The following ARHGEF38 variants were observed in gnomAD, a reference collection of about 807,000 sequenced individuals.
The protein encoded by ARHGEF38 is Rho guanine nucleotide exchange factor 38, also known as Rho guanine nucleotide exchange factor (GEF) 38.
Under a neutral mutation model 79.9 loss-of-function variants are expected in ARHGEF38, and 79 were observed. The ratio of observed to expected loss-of-function variants is 0.99; its 90% CI spans 0.82 to 1.19. ARHGEF38 has a LOEUF of 1.19. ARHGEF38 is among the 50% of genes most tolerant of loss of function. The pLI is 0.00. For synonymous variants in ARHGEF38, 366 were observed against 328.3 expected (o/e 1.11, Z -1.24); for missense variants, 962 against 907.2 (o/e 1.06, Z -0.78).
intron 7 of ARHGEF38, among the ~76,000 whole-genome samples, 166 bp downstream of exon 7, chr4:105,648,848 T>TC (rs1729970218): frequency 5.5e-5 from 6 of 108,618 alleles, no homozygotes; most frequent in Admixed American, 1.7e-4. Context: ...CTCTCTCTCT[T>TC]TCTCTCTCTC....
At chr4:105,642,155 G>C (rs1001758447) in intron 5 of ARHGEF38, among the ~76,000 whole-genome samples, 1 of 152,020 alleles carries the variant, frequency 6.6e-6, no homozygotes, top group Non-Finnish European at 1.5e-5. Flanking sequence ...AGATTAGATG[G>C]GGTGAATTTT....
intron 9 of ARHGEF38, among the ~76,000 whole-genome samples, chr4:105,656,693 C>T (rs907578568): frequency 6.6e-6 from 1 of 152,104 alleles, no homozygotes; most frequent in Non-Finnish European, 1.5e-5. Context: ...GCATTATAGG[C>T]ATTTTGGGTA....
At chr4:105,654,823 C>A (rs1386846147) in intron 8 of ARHGEF38, among the ~76,000 whole-genome samples, 1 of 152,078 alleles carries the variant, frequency 6.6e-6, no homozygotes, top group African/African-American at 2.4e-5. Context: ...ATGGCTATGA[C>A]CATGACACAT....
intron 5 of ARHGEF38, among the ~76,000 whole-genome samples, chr4:105,639,210 T>G (rs1055499054): frequency 6.6e-5 from 10 of 152,108 alleles, no homozygotes; most frequent in Admixed American, 2.6e-4. Context: ...TTTTAAATGA[T>G]TATTCACTTT....
At chr4:105,557,706 A>T (rs2023839) in intron 1 of ARHGEF38, among the ~76,000 whole-genome samples, 9,336 of 152,074 alleles carry the variant, frequency 0.061, 408 homozygotes, top group East Asian at 0.18. Flanking sequence ...TCTCAGCAGG[A>T]ATAAGATCTT....
At chr4:105,593,802 A>G (rs1280466592) in intron 2 of ARHGEF38, among the ~76,000 whole-genome samples, 1 of 152,058 alleles carries the variant, frequency 6.6e-6, no homozygotes, top group Non-Finnish European at 1.5e-5. Context: ...TTGGCTTCCT[A>G]TGAAACTCTT....
chr4:105,648,415 C>A, intron 6 of ARHGEF38, 134 bp from the exon 7 acceptor site: 1 of 729,368 alleles, frequency 1.4e-6, no homozygotes, highest in Non-Finnish European at 2.0e-6. Context: ...GAGCATATGG[C>A]CTCTGCAGCA....
intron 5 of ARHGEF38, among the ~76,000 whole-genome samples, chr4:105,637,529 G>C (rs1729447111): frequency 6.6e-6 from 1 of 152,128 alleles, no homozygotes; most frequent in Admixed American, 6.5e-5. Flanking sequence ...AGGTGCATCG[G>C]CCTCCTGGCT....
chr4:105,643,764 G>A (rs1729716092), intron 5 of ARHGEF38, among the ~76,000 whole-genome samples: 1 of 151,690 alleles, frequency 6.6e-6, no homozygotes. Flanking sequence ...GTGAATGTAT[G>A]TGCATGTGTA....
intron 13 of ARHGEF38, among the ~76,000 whole-genome samples, chr4:105,670,516 T>C (rs1277062081): frequency 2.6e-5 from 4 of 152,106 alleles, no homozygotes; most frequent in African/African-American, 4.8e-5. Context: ...ATTGTAAGAG[T>C]TCTTTATAAA....
chr4:105,618,774 C>G (rs1240903371), intron 3 of ARHGEF38, among the ~76,000 whole-genome samples: 2 of 152,052 alleles, frequency 1.3e-5, no homozygotes, highest in African/African-American at 4.8e-5. Flanking sequence ...AACTTTCTCC[C>G]CAAGTAATTA....
chr4:105,668,687 TA>T (rs1324057331), intron 13 of ARHGEF38, among the ~76,000 whole-genome samples: 10 of 151,192 alleles, frequency 6.6e-5, no homozygotes, highest in South Asian at 2.1e-4. Context: ...GATAGATAGA[TA>T]GATAGATAGA....
At position 105,589,230 on chromosome 4, in the gene ARHGEF38, T is replaced by G; in HGVS notation, c.197-18T>G. ...ACCTCAGCAGAATGCCTCACCTGTA[T>G]ATGTTTTCATTTAACAGAAAAGATG... On this transcript the variant is annotated intron_variant, in intron 1 of 13. Coordinates refer to ENST00000420470, the MANE Select transcript of ARHGEF38 (RefSeq NM_001242729.2). 6.3e-7 allele frequency: 1 copy of G among 1,599,672 alleles called. No homozygotes were observed. Among genetic ancestry groups the G allele is most frequent in the Non-Finnish European group, 8.5e-7 (1 of 1,175,000 alleles).
chr4:105,574,910 C>T (rs1726415886), intron 1 of ARHGEF38, among the ~76,000 whole-genome samples: 1 of 151,760 alleles, frequency 6.6e-6, no homozygotes, highest in Non-Finnish European at 1.5e-5. Context: ...CTGCAAAAGA[C>T]ATTATTTCAT....
Position 105,674,347 on chromosome 4 carries a change from A to G in ARHGEF38, c.2149-3405A>G, listed in dbSNP as rs553721061. Among the ~76,000 whole-genome samples, 76 of 152,268 alleles carry G rather than the reference A, an allele frequency of 5.0e-4. 1 individual carries two copies. The Middle Eastern group carries it at 0.01, about 20-fold the overall frequency. On this transcript the variant is annotated intron_variant, in intron 13 of 13. Transcript: ENST00000420470. Reference sequence around the variant, plus strand: ...ACATTTTAAAAAGTGCCAAGGAAAAACAGAAGAAGATTAGGTGATTATGGC... The same window carrying G: ...ACATTTTAAAAAGTGCCAAGGAAAAGCAGAAGAAGATTAGGTGATTATGGC...
chr4:105,644,686 G>A (rs1217908650), intron 5 of ARHGEF38, among the ~76,000 whole-genome samples: 1 of 152,206 alleles, frequency 6.6e-6, no homozygotes, highest in East Asian at 1.9e-4. Flanking sequence ...GACTGTGGTA[G>A]AACCTACAAA....
At position 105,645,387 on chromosome 4, in the gene ARHGEF38, G is replaced by A. The variant is rs1578342425; in HGVS notation, c.874G>A (p.Val292Ile). ...INELKRRKDLVLKYKKNDEDE... is the reference protein window; with the variant it reads ...INELKRRKDLILKYKKNDEDE... ...TGAACTTAAAAGAAGGAAAGATTTA[G>A]GTAGGAAGAGACATGATGAATTGGT... Residue 292 changes from valine (V) to isoleucine (I), a missense_variant and splice_region_variant, in exon 6 of 14, where the codon GTT (valine) becomes ATT (isoleucine). Transcript: ENST00000420470. The A allele has an allele frequency of 1.3e-6, 2 of 1,519,706 alleles. No individual in the cohort carries two copies. Among genetic ancestry groups the A allele is most frequent in the African/African-American group, 1.4e-5 (1 of 72,220 alleles). 94.1% of individuals were successfully genotyped at this position (1,519,706 alleles called of 1,614,324 possible).
intron 3 of ARHGEF38, among the ~76,000 whole-genome samples, chr4:105,629,219 A>C (rs1729081381): frequency 6.6e-6 from 1 of 152,150 alleles, no homozygotes; most frequent in Non-Finnish European, 1.5e-5. Context: ...GCATCACCTC[A>C]TACAGTGCTC....
In ARHGEF38 at chr4:105,659,304, T is replaced by C; in HGVS notation, c.1484T>C (p.Phe495Ser). 1 of 1,536,040 alleles carries C rather than the reference T, an allele frequency of 6.5e-7. No individual in the cohort carries two copies. The highest frequency in any genetic ancestry group is 8.7e-7 in the Non-Finnish European group (1 of 1,146,876). Reference protein sequence around the residue: ...RKILLNCLCSFITLLRDLMLV... With the variant: ...RKILLNCLCSSITLLRDLMLV... ...ATTCTGTTGAACTGTCTATGCAGCTTCATTACCCTCCTTAGGGACCTGATG... is the reference window on the plus strand; with the variant it reads ...ATTCTGTTGAACTGTCTATGCAGCTCCATTACCCTCCTTAGGGACCTGATG... Residue 495 changes from phenylalanine (F) to serine (S), a missense_variant, in exon 10 of 14, where the codon TTC (phenylalanine) becomes TCC (serine). Physicochemically the swap from Phe to Ser is radical, Grantham distance 155 (BLOSUM62 -2). Transcript: ENST00000420470.
Sources: allele counts gnomAD v4.1 joint callset (sites outside exome capture counted in the v4.1 genomes callset), GRCh38; gene constraint gnomAD v4.1.1; transcripts MANE v1.5; gene names NCBI Gene and HGNC (gene_info 2026-07-23, HGNC 2026-07-21).